Variants in ZBTB7C observed in about 807,000 individuals in gnomAD.
ZBTB7C encodes zinc finger and BTB domain-containing protein 7C.
In ZBTB7C, 8 loss-of-function variants were observed where a neutral mutation model predicts 25.7. That is an observed-to-expected ratio of 0.31 (90% CI 0.18 to 0.56). The LOEUF (loss-of-function observed/expected upper bound fraction) is 0.56. ZBTB7C is among the 20% of genes least tolerant of loss of function. The pLI is 0.91. For missense variants in ZBTB7C, 824 were observed against 855.2 expected, an observed-to-expected ratio of 0.96 and a Z score of 0.46; for synonymous variants, 394 against 369.0, an observed-to-expected ratio of 1.07 and a Z score of -0.78.
At chr18:48,287,747 TG>T (rs2045100903) in intron 2 of ZBTB7C, among the ~76,000 whole-genome samples, 1 of 152,136 alleles carries the variant, frequency 6.6e-6, no homozygotes. Context: ...TGGAAAAAAA[TG>T]GCTTAACATT....
intron 1 of ZBTB7C, among the ~76,000 whole-genome samples, chr18:48,349,130 G>A (rs78968014): frequency 0.061 from 9,348 of 152,280 alleles, 340 homozygotes; most frequent in Non-Finnish European, 0.091. Context: ...GTGGCTGGCA[G>A]GACCTATTAG....
At chr18:48,108,031 C>A (rs142806567) in intron 3 of ZBTB7C, among the ~76,000 whole-genome samples, 1 of 152,162 alleles carries the variant, frequency 6.6e-6, no homozygotes, top group African/African-American at 2.4e-5. Flanking sequence ...TGTCAGGGCA[C>A]GTGAAATTCC....
chr18:48,230,905 G>A (rs1420981108), intron 2 of ZBTB7C, among the ~76,000 whole-genome samples: 2 of 152,200 alleles, frequency 1.3e-5, no homozygotes, highest in Non-Finnish European at 2.9e-5. Context: ...TGATTTTGGA[G>A]CAAAGTTGTG....
chr18:48,206,584 C>T (rs1180853401), intron 2 of ZBTB7C, among the ~76,000 whole-genome samples: 1 of 152,136 alleles, frequency 6.6e-6, no homozygotes, highest in Admixed American at 6.6e-5. Flanking sequence ...CGCTTCAGTC[C>T]AGGAGGCTGA....
chr18:48,390,071 G>A (rs538355845), intron 1 of ZBTB7C, among the ~76,000 whole-genome samples: 4 of 152,196 alleles, frequency 2.6e-5, no homozygotes, highest in Admixed American at 1.3e-4. Flanking sequence ...AGCCCTGAAC[G>A]AAGGAGCATC....
chr18:48,298,567 C>A (rs774817424), intron 2 of ZBTB7C, among the ~76,000 whole-genome samples: 3 of 152,210 alleles, frequency 2.0e-5, no homozygotes, highest in Non-Finnish European at 4.4e-5. Flanking sequence ...CTGTTGATGG[C>A]CCAGACCAAT....
upstream of ZBTB7C, among the ~76,000 whole-genome samples, chr18:48,410,375 G>T (rs1240360844): frequency 6.6e-6 from 1 of 152,212 alleles, no homozygotes; most frequent in Non-Finnish European, 1.5e-5. Context: ...CCCCGGGTCG[G>T]CCTGGAAGGC....
intron 2 of ZBTB7C, among the ~76,000 whole-genome samples, chr18:48,305,725 T>C (rs951452136): frequency 6.6e-6 from 1 of 152,090 alleles, no homozygotes; most frequent in African/African-American, 2.4e-5. Flanking sequence ...GCTAAATACT[T>C]CACCCTCCAT....
chr18:48,293,219 G>T (rs1598800517), intron 2 of ZBTB7C, among the ~76,000 whole-genome samples: 1 of 152,326 alleles, frequency 6.6e-6, no homozygotes, highest in East Asian at 1.9e-4. Flanking sequence ...GGATCAAGCT[G>T]CTGGCTGATT....
intron 3 of ZBTB7C, among the ~76,000 whole-genome samples, chr18:48,181,858 T>A (rs994645039): frequency 3.9e-5 from 6 of 152,250 alleles, no homozygotes; most frequent in Admixed American, 1.3e-4. Flanking sequence ...AAACAACCAC[T>A]ATAATAGTTG....
At chr18:48,194,622 G>A (rs11661829) in intron 2 of ZBTB7C, among the ~76,000 whole-genome samples, 43,474 of 151,984 alleles carry the variant, frequency 0.29, 6,855 homozygotes, top group East Asian at 0.55. Context: ...TCTAGACAGG[G>A]GAGATTCTTA....
intron 2 of ZBTB7C, among the ~76,000 whole-genome samples, chr18:48,191,293 G>A (rs1893835): frequency 0.65 from 98,169 of 152,122 alleles, 32,187 homozygotes; most frequent in African/African-American, 0.76. Context: ...AGGAGGCCAT[G>A]ATGCTTGGTG....
chr18:48,122,753 G>C (rs948727446), intron 3 of ZBTB7C, among the ~76,000 whole-genome samples: 1 of 152,184 alleles, frequency 6.6e-6, no homozygotes, highest in African/African-American at 2.4e-5. Context: ...TTGTCCTGCT[G>C]TACATTCAGT....
At chr18:48,089,207 G>A (rs1478863722) in intron 3 of ZBTB7C, among the ~76,000 whole-genome samples, 3 of 152,028 alleles carry the variant, frequency 2.0e-5, no homozygotes, top group African/African-American at 4.8e-5. Flanking sequence ...AGTGGCTCAC[G>A]CCTGTAATCC....
At chr18:48,279,416 G>A (rs1245572030) in intron 2 of ZBTB7C, among the ~76,000 whole-genome samples, 3 of 152,220 alleles carry the variant, frequency 2.0e-5, no homozygotes, top group Admixed American at 2.0e-4. Flanking sequence ...GGCAAGTCTG[G>A]CATCCCCTCA....
At chr18:48,333,352 G>C (rs1461491789) in intron 2 of ZBTB7C, among the ~76,000 whole-genome samples, 2 of 152,190 alleles carry the variant, frequency 1.3e-5, no homozygotes, top group Non-Finnish European at 2.9e-5. Flanking sequence ...GGTGAGGAAA[G>C]AGTGTTGCCA....
At chr18:48,099,484 A>T (rs1329583740) in intron 3 of ZBTB7C, among the ~76,000 whole-genome samples, 1 of 152,090 alleles carries the variant, frequency 6.6e-6, no homozygotes, top group East Asian at 1.9e-4. Context: ...TTCCACTCTC[A>T]CCTTGGCTTT....
intron 2 of ZBTB7C, among the ~76,000 whole-genome samples, chr18:48,245,616 T>C (rs1401422989): frequency 6.6e-6 from 1 of 152,072 alleles, no homozygotes; most frequent in Non-Finnish European, 1.5e-5. Context: ...TTCATAAAGT[T>C]ATTGGAGAAT....
chr18:48,359,879 C>G (rs2047062765), intron 1 of ZBTB7C, among the ~76,000 whole-genome samples: 1 of 152,198 alleles, frequency 6.6e-6, no homozygotes, highest in African/African-American at 2.4e-5. Flanking sequence ...TCTGTGGGGA[C>G]TTGGGAGATT....
Sources: gnomAD v4.1 joint callset for allele counts (sites outside exome capture counted in the v4.1 genomes callset) on GRCh38, gnomAD v4.1.1 for gene constraint, MANE v1.5 for transcripts, NCBI Gene and HGNC (gene_info 2026-07-23, HGNC 2026-07-21) for gene names.